Variants in FAM131A observed in about 807,000 individuals in gnomAD.
FAM131A encodes protein FAM131A.
Under a neutral mutation model 39.2 loss-of-function variants are expected in FAM131A, and 24 were observed. That is an observed-to-expected ratio of 0.61 (90% CI 0.44 to 0.86). The LOEUF (loss-of-function observed/expected upper bound fraction) is 0.86. FAM131A is among the 40% of genes least tolerant of loss of function. FAM131A has a pLI of 0.00. For missense variants in FAM131A, 373 were observed against 481.2 expected, an observed-to-expected ratio of 0.78 and a Z score of 2.10; for synonymous variants, 202 against 206.8, an observed-to-expected ratio of 0.98 and a Z score of 0.20.
chr3:184,344,115 A>G (rs2108548011), intron 5 of FAM131A, among the ~76,000 whole-genome samples: 1 of 152,206 alleles, frequency 6.6e-6, no homozygotes, highest in Admixed American at 6.5e-5. Flanking sequence ...CCTCCCGAGT[A>G]GCTGGGATTA....
Position 184,345,185 on chromosome 3 carries a change from T to C in FAM131A, c.*215T>C. The stretch of plus-strand genomic sequence containing the variant: ...CATGTCCTGCCCCCACTCCCGGGGC[T>C]TGCCGGGGGTTGCCCGGGGCCTCTG... On this transcript the variant is annotated 3_prime_UTR_variant, in exon 6 of 6. Transcript: ENST00000383847. 1.7e-6 allele frequency: 1 copy of C among 589,236 alleles called. No homozygotes were observed. The highest frequency in any genetic ancestry group is 3.0e-6 in the Non-Finnish European group (1 of 338,686). The allele number at this position is 589,236 out of a possible 1,614,324, so 36.5% of individuals were successfully genotyped here. A position where few individuals can be genotyped will look rare whatever the true frequency, so the allele number is the denominator to read the frequency against.
At position 184,344,487 on chromosome 3, in the gene FAM131A, C is replaced by G. The variant is rs765067624; in HGVS notation, c.626-8C>G. On this transcript the variant is annotated splice_region_variant and splice_polypyrimidine_tract_variant and intron_variant, in intron 5 of 5. Transcript: ENST00000383847. ...GCAGGACTGTCTTCTTTTCTCTTCTCCTCACAGACATGGCTGGGCAGCTGC... is the reference window on the plus strand; with the variant it reads ...GCAGGACTGTCTTCTTTTCTCTTCTGCTCACAGACATGGCTGGGCAGCTGC... The G allele has an allele frequency of 6.6e-7, 1 of 1,517,790 alleles. No individual in the cohort carries two copies. Among genetic ancestry groups the G allele is most frequent in the African/African-American group, 1.4e-5 (1 of 71,736 alleles). The allele number at this position is 1,517,790 out of a possible 1,614,324, so 94.0% of individuals were successfully genotyped here. A position where few individuals can be genotyped will look rare whatever the true frequency, so the allele number is the denominator to read the frequency against.
chr3:184,345,272 T>C lies in FAM131A; in HGVS notation c.*302T>C, dbSNP rs1169493090. ...TGTTCTTAAAATGCCACACACACAT[T>C]TCCTCCTCGGATAATGTGAACCACT... On this transcript the variant is annotated 3_prime_UTR_variant, in exon 6 of 6. Transcript: ENST00000383847. 1 of 554,498 alleles carries C rather than the reference T, an allele frequency of 1.8e-6. No homozygotes were observed. Among genetic ancestry groups the C allele is most frequent in the African/African-American group, 1.9e-5 (1 of 51,522 alleles). The allele number at this position is 554,498 out of a possible 1,614,324, so 34.3% of individuals were successfully genotyped here. A position where few individuals can be genotyped will look rare whatever the true frequency, so the allele number is the denominator to read the frequency against.
intron 2 of FAM131A, 78 bp downstream of exon 2, chr3:184,338,607 C>A: frequency 2.0e-6 from 3 of 1,491,256 alleles, no homozygotes; most frequent in Admixed American, 2.3e-5. Flanking sequence ...CCACGCCTGG[C>A]CAGCCAGCTT....
At position 184,345,097 on chromosome 3, in the gene FAM131A, C is replaced by T. The variant is rs1727578859; in HGVS notation, c.*127C>T. The T allele has an allele frequency of 1.1e-6, 1 of 894,488 alleles. No homozygotes were observed. The highest frequency in any genetic ancestry group is 3.1e-5 in the Admixed American group (1 of 32,348). 55.4% of individuals were successfully genotyped at this position (894,488 alleles called of 1,614,324 possible). On this transcript the variant is annotated 3_prime_UTR_variant, in exon 6 of 6. Coordinates refer to ENST00000383847, the MANE Select transcript of FAM131A (RefSeq NM_144635.5). The stretch of plus-strand genomic sequence containing the variant: ...CCTAGAGGGCTCCTGGGAGCGCTCG[C>T]TTCTCCGTTGTGTGTTTTGCATGAA...
At chr3:184,336,222 G>A (rs1237008207), upstream of FAM131A, 1 of 152,708 alleles carries the variant, frequency 6.5e-6, no homozygotes, top group African/African-American at 2.4e-5. This position sits in a 1 kb window ranked among gnomAD's most constrained non-coding sequence, Gnocchi z 5.5. Flanking sequence ...GGCCGGTGTC[G>A]GGAGAGGGAG....
chr3:184,342,276 A>T lies in FAM131A; in HGVS notation c.508+28A>T. 1 of 1,555,746 alleles carries T rather than the reference A, an allele frequency of 6.4e-7. No homozygotes were observed. The highest frequency in any genetic ancestry group is 8.7e-7 in the Non-Finnish European group (1 of 1,154,736). ...GGATGGCAGAAAGGGGATAAGCTAC[A>T]CTCTTGGCACAGGGCTGCTTTCTTT... On this transcript the variant is annotated intron_variant, in intron 4 of 5. Coordinates refer to ENST00000383847, the MANE Select transcript of FAM131A (RefSeq NM_144635.5). The surrounding 1 kb of genome is among the most constrained non-coding windows in gnomAD (Gnocchi z 4.6).
chr3:184,344,683 G>A lies in FAM131A; in HGVS notation c.814G>A (p.Ala272Thr), dbSNP rs780810708. ...GTTGTTGGGCTCCCCGGCCCGGCTG[G>A]CCTCCCAGCTGCTGGGCGATGAGCT... ...DGLLGSPARL[A>T]SQLLGDELLL... is the part of the protein sequence containing the mutation. Residue 272 changes from alanine to threonine, a missense_variant, in exon 6 of 6, where the codon GCC becomes ACC. Physicochemically the swap from Ala to Thr is moderately conservative, Grantham distance 58 (BLOSUM62 0). Around this residue, in one of 2 missense-constraint regions of FAM131A, gnomAD observed 152 missense variants for 133.5 expected, o/e 1.14. Coordinates refer to ENST00000383847, the MANE Select transcript of FAM131A (RefSeq NM_144635.5). 5.6e-6 allele frequency: 9 copies of A among 1,612,390 alleles called. No individual in the cohort carries two copies. The highest frequency in any genetic ancestry group is 5.9e-6 in the Non-Finnish European group (7 of 1,179,828).
In FAM131A at chr3:184,345,180, G is replaced by A. The variant is rs749715474; in HGVS notation, c.*210G>A. On this transcript the variant is annotated 3_prime_UTR_variant, in exon 6 of 6. Coordinates refer to ENST00000383847, the MANE Select transcript of FAM131A (RefSeq NM_144635.5). ...GGGCGCATGTCCTGCCCCCACTCCCGGGGCTTGCCGGGGGTTGCCCGGGGC... is the reference window on the plus strand; with the variant it reads ...GGGCGCATGTCCTGCCCCCACTCCCAGGGCTTGCCGGGGGTTGCCCGGGGC... 7 of 595,970 alleles carry A rather than the reference G, an allele frequency of 1.2e-5. No individual in the cohort carries two copies. Among genetic ancestry groups the A allele is most frequent in the Non-Finnish European group, 1.5e-5 (5 of 344,730 alleles). 36.9% of individuals were successfully genotyped at this position (595,970 alleles called of 1,614,324 possible).
rs959991759 is a variant in FAM131A, at chr3:184,345,538, C to T, written c.*568C>T. ...TGCTGTGCTTCATTCACCTCTCCAT[C>T]GTCTCTAAATCTTCCTCTTTTTTCC... On this transcript the variant is annotated 3_prime_UTR_variant, in exon 6 of 6. Transcript: ENST00000383847. 7.1e-6 allele frequency: 5 copies of T among 703,072 alleles called. No homozygotes were observed. The highest frequency in any genetic ancestry group is 5.4e-5 in the East Asian group (2 of 37,284). The allele number at this position is 703,072 out of a possible 1,614,324, so 43.6% of individuals were successfully genotyped here.
At chr3:184,341,432 C>T (rs146323229) in intron 2 of FAM131A, 15 of 496,328 alleles carry the variant, frequency 3.0e-5, no homozygotes, top group East Asian at 2.2e-4. Context: ...AGGTCTCACT[C>T]GTGGTTCTTC....
In FAM131A at chr3:184,342,768, C is replaced by G. The variant is rs773412803; in HGVS notation, c.533C>G (p.Ala178Gly). ...AAGVAEQFAI[A>G]EAKLRAWSSV... ...GGAGTGGCTGAGCAGTTTGCCATCGCGGAAGCCAAGCTCCGAGCATGGTCT... is the reference window on the plus strand; with the variant it reads ...GGAGTGGCTGAGCAGTTTGCCATCGGGGAAGCCAAGCTCCGAGCATGGTCT... Residue 178 changes from alanine (A) to glycine (G), a missense_variant, in exon 5 of 6, where the codon GCG (alanine) becomes GGG (glycine). Transcript: ENST00000383847. This position sits in a 1 kb window ranked among gnomAD's most constrained non-coding sequence, Gnocchi z 4.6. 1 of 1,613,598 alleles carries G rather than the reference C, an allele frequency of 6.2e-7. No homozygotes were observed. The highest frequency in any genetic ancestry group is 1.3e-5 in the African/African-American group (1 of 75,024).
chr3:184,339,200 C>G (rs1401206239), intron 2 of FAM131A: 1 of 152,376 alleles, frequency 6.6e-6, no homozygotes, highest in East Asian at 1.9e-4. Flanking sequence ...AGACTTAGGC[C>G]TTGCCATCCT....
chr3:184,344,482 C>T lies in FAM131A; in HGVS notation c.626-13C>T. The T allele has an allele frequency of 6.6e-7, 1 of 1,515,140 alleles. No homozygotes were observed. Among genetic ancestry groups the T allele is most frequent in the Non-Finnish European group, 8.8e-7 (1 of 1,132,612 alleles). 93.9% of individuals were successfully genotyped at this position (1,515,140 alleles called of 1,614,324 possible). ...AGCCAGCAGGACTGTCTTCTTTTCT[C>T]TTCTCCTCACAGACATGGCTGGGCA... On this transcript the variant is annotated splice_polypyrimidine_tract_variant and intron_variant, in intron 5 of 5. Transcript: ENST00000383847.
In FAM131A at chr3:184,342,137, A is replaced by G. The variant is rs1160000666; in HGVS notation, c.397A>G (p.Ile133Val). The change falls in exon 4 of 6, where the codon ATT becomes GTT. Residue 133 changes from isoleucine (I) to valine (V), a missense_variant. Ile to Val is a conservative substitution (Grantham distance 29). Around this residue, in one of 2 missense-constraint regions of FAM131A, gnomAD observed 221 missense variants for 347.7 expected, o/e 0.64. Coordinates refer to ENST00000383847, the MANE Select transcript of FAM131A (RefSeq NM_144635.5). The surrounding 1 kb of genome is among the most constrained non-coding windows in gnomAD (Gnocchi z 4.6). Reference sequence around the variant, plus strand: ...GGCCCAGGGCCGAGTGGCTCACCTCATTGAGTGGAAGGGCTGGAGCAAGCC... The same window carrying G: ...GGCCCAGGGCCGAGTGGCTCACCTCGTTGAGTGGAAGGGCTGGAGCAAGCC... ...AMAQGRVAHL[I>V]EWKGWSKPSD... 6.2e-7 allele frequency: 1 copy of G among 1,613,976 alleles called. No individual in the cohort carries two copies. Among genetic ancestry groups the G allele is most frequent in the Non-Finnish European group, 8.5e-7 (1 of 1,180,018 alleles).
chr3:184,336,711 T>C (rs1727125347), upstream of FAM131A, among the ~76,000 whole-genome samples: 1 of 152,222 alleles, frequency 6.6e-6, no homozygotes, highest in Non-Finnish European at 1.5e-5. This position sits in a 1 kb window ranked among gnomAD's most constrained non-coding sequence, Gnocchi z 5.5. Context: ...GAATCACCTC[T>C]CACCTATTAC....
chr3:184,344,938 G>C lies in FAM131A; in HGVS notation c.1069G>C (p.Asp357His). Residue 357 changes from aspartate (D) to histidine (H), a missense_variant, in exon 6 of 6, where the codon GAT becomes CAT. Transcript: ENST00000383847. ...GGCCTCTTCTGGGGTGGTGTCCTTA[G>C]ATGAGGATGAGGCAGAGCCAGAGGA... ...DLASSGVVSL[D>H]EDEAEPEEQ The C allele has an allele frequency of 6.3e-7, 1 of 1,592,624 alleles. No homozygotes were observed. Among genetic ancestry groups the C allele is most frequent in the Non-Finnish European group, 8.5e-7 (1 of 1,174,000 alleles).
In FAM131A at chr3:184,345,302, G is replaced by C; in HGVS notation, c.*332G>C. On this transcript the variant is annotated 3_prime_UTR_variant, in exon 6 of 6. Transcript: ENST00000383847. ...CCTCGGATAATGTGAACCACTAAGG[G>C]GGTTGTGACTGGGCTGTGTGAGGGT... 1 of 590,164 alleles carries C rather than the reference G, an allele frequency of 1.7e-6. No homozygotes were observed. Among genetic ancestry groups the C allele is most frequent in the South Asian group, 2.1e-5 (1 of 47,844 alleles). The allele number at this position is 590,164 out of a possible 1,614,324, so 36.6% of individuals were successfully genotyped here. A position where few individuals can be genotyped will look rare whatever the true frequency, so the allele number is the denominator to read the frequency against.
intron 2 of FAM131A, 194 bp from the exon 3 acceptor site, chr3:184,341,530 C>T (rs1227091227): frequency 1.7e-6 from 1 of 601,830 alleles, no homozygotes; most frequent in Admixed American, 2.9e-5. Flanking sequence ...TCTGAATCTC[C>T]ATTGCTTTCT....
Sources: gnomAD v4.1 joint callset for allele counts (sites outside exome capture counted in the v4.1 genomes callset) on GRCh38, gnomAD v4.1.1 for gene constraint, gnomAD v4.1.1 regional missense constraint, Gnocchi (gnomAD v3.1) non-coding constraint, MANE v1.5 for transcripts, NCBI Gene and HGNC (gene_info 2026-07-23, HGNC 2026-07-21) for gene names.